Variants in SOAT1 observed in about 807,000 individuals in gnomAD.
SOAT1 encodes sterol O-acyltransferase 1.
Under a neutral mutation model 69.5 loss-of-function variants are expected in SOAT1, and 55 were observed. That is an observed-to-expected ratio of 0.79 (90% CI 0.64 to 0.99). The LOEUF (loss-of-function observed/expected upper bound fraction) is 0.99. SOAT1 is among the 50% of genes least tolerant of loss of function. The pLI, the probability that SOAT1 is intolerant of heterozygous loss-of-function variation, is 0.00. For missense variants in SOAT1, 580 were observed against 669.3 expected (o/e 0.87, Z 1.47); for synonymous variants, 231 against 224.7 (o/e 1.03, Z -0.25).
chr1:179,356,467 T>C lies in SOAT1; in HGVS notation c.*2826T>C, dbSNP rs868786209. The C allele has an allele frequency of 1.1e-5, 1 of 95,124 alleles. No homozygotes were observed. The highest frequency in any genetic ancestry group is 3.9e-5 in the African/African-American group (1 of 25,952). 5.9% of individuals were successfully genotyped at this position (95,124 alleles called of 1,614,324 possible). Reference sequence around the variant, plus strand: ...TTTAATTAGAAAACTGAGGCTGCCTTTTTTTTTTTTTTTTTTTTTTTTTAA... The same window carrying C: ...TTTAATTAGAAAACTGAGGCTGCCTCTTTTTTTTTTTTTTTTTTTTTTTAA... On this transcript the variant is annotated 3_prime_UTR_variant, in exon 16 of 16. Transcript: ENST00000367619.
chr1:179,340,420 T>A (rs1250852133), intron 6 of SOAT1, among the ~76,000 whole-genome samples: 1 of 152,140 alleles, frequency 6.6e-6, no homozygotes, highest in Non-Finnish European at 1.5e-5. Flanking sequence ...AGGTTGAGGC[T>A]GCAGTGGAGC....
At chr1:179,301,475 A>G (rs111405133) in intron 1 of SOAT1, among the ~76,000 whole-genome samples, 1 of 152,144 alleles carries the variant, frequency 6.6e-6, no homozygotes, top group African/African-American at 2.4e-5. Flanking sequence ...TGCCAGTTCC[A>G]ATCGGGCTCT....
intron 4 of SOAT1, among the ~76,000 whole-genome samples, 160 bp downstream of exon 4, chr1:179,335,817 G>A (rs1481323095): frequency 1.3e-5 from 2 of 152,086 alleles, no homozygotes; most frequent in Non-Finnish European, 2.9e-5. Context: ...AAGGAGGATG[G>A]GGATTTCTTT....
At chr1:179,328,532 T>G (rs1665863004) in intron 3 of SOAT1, among the ~76,000 whole-genome samples, 1 of 152,174 alleles carries the variant, frequency 6.6e-6, no homozygotes. Flanking sequence ...GACAAGGTCA[T>G]ATAGTACAGC....
Position 179,342,874 on chromosome 1 carries a change from T to C in SOAT1, c.872T>C (p.Ile291Thr), listed in dbSNP as rs143910632. ...SAKEKSSTVP[I>T]PTVNQYLYFL... ...TTTCCTTTTCTAGGCACTGTTCCAA[T>C]ACCTACAGTCAACCAGTATTTGTAC... The change falls in exon 9 of 16, where the codon ATA becomes ACA. Residue 291 changes from isoleucine to threonine, a missense_variant. Physicochemically the swap from Ile to Thr is moderately conservative, Grantham distance 89. Transcript: ENST00000367619. 35,425 of 1,612,726 alleles carry C rather than the reference T, an allele frequency of 0.022. 433 individuals carry two copies. Among genetic ancestry groups the C allele is most frequent in the Non-Finnish European group, 0.025 (29,439 of 1,178,808 alleles).
At position 179,304,414 on chromosome 1, in the gene SOAT1, A is replaced by G. The variant is rs140488895; in HGVS notation, c.118+1612A>G. On this transcript the variant is annotated intron_variant, in intron 2 of 15. Coordinates refer to ENST00000367619, the MANE Select transcript of SOAT1 (RefSeq NM_003101.6). ...TGCTTCAGCCTCCCAAGTAGCTAGG[A>G]TTACAAGCATGCGTCACCACGTGCA... Among the ~76,000 whole-genome samples the G allele has an allele frequency of 1.9e-3, 285 of 151,826 alleles. 4 individuals carry two copies. Among genetic ancestry groups the G allele is most frequent in the African/African-American group, 6.4e-3 (264 of 41,384 alleles).
At chr1:179,308,892 C>G (rs1407696895) in intron 2 of SOAT1, among the ~76,000 whole-genome samples, 3 of 151,960 alleles carry the variant, frequency 2.0e-5, no homozygotes, top group Admixed American at 1.3e-4. Context: ...TCTCAGATAT[C>G]TTTTCATTTA....
Position 179,338,469 on chromosome 1 carries a change from A to G in SOAT1, c.389+573A>G, listed in dbSNP as rs982370940. On this transcript the variant is annotated intron_variant, in intron 5 of 15. Transcript: ENST00000367619. ...TTAAAAAGACATCTTATGCTTATCA[A>G]AAGTTACTTTCTGTGAGTCAAGTTG... Among the ~76,000 whole-genome samples the G allele has an allele frequency of 5.3e-5, 8 of 152,254 alleles. No homozygotes were observed. The South Asian group carries it at 8.3e-4, about 16-fold the overall frequency.
intron 1 of SOAT1, among the ~76,000 whole-genome samples, chr1:179,299,772 G>A (rs1289219337): frequency 6.1e-5 from 1 of 16,312 alleles, no homozygotes; most frequent in Non-Finnish European, 1.3e-4. Flanking sequence ...TTTTTTTTTT[G>A]AGACGGAGTC....
In SOAT1 at chr1:179,355,044, A is replaced by G. The variant is rs894649628; in HGVS notation, c.*1403A>G. On this transcript the variant is annotated 3_prime_UTR_variant, in exon 16 of 16. Transcript: ENST00000367619. ...TAATAGTCACAACTTAATTTGAACC[A>G]CAAGTATCCAGCTTAATCACGTATC... The G allele has an allele frequency of 2.6e-5, 4 of 152,234 alleles. No individual in the cohort carries two copies. Among genetic ancestry groups the G allele is most frequent in the Admixed American group, 6.5e-5 (1 of 15,278 alleles). The allele number at this position is 152,234 out of a possible 1,614,324, so 9.4% of individuals were successfully genotyped here.
intron 15 of SOAT1, among the ~76,000 whole-genome samples, chr1:179,351,983 G>T (rs1011321648): frequency 1.3e-5 from 2 of 151,810 alleles, no homozygotes; most frequent in Non-Finnish European, 1.5e-5. Flanking sequence ...CTCCCAGAGT[G>T]CTGGAGCCAC....
intron 2 of SOAT1, among the ~76,000 whole-genome samples, chr1:179,317,282 C>G (rs1395066807): frequency 6.6e-6 from 1 of 152,156 alleles, no homozygotes; most frequent in Admixed American, 6.6e-5. Flanking sequence ...GCCTATAATC[C>G]TAGCACTTTG....
intron 2 of SOAT1, among the ~76,000 whole-genome samples, chr1:179,306,106 T>C (rs1664994441): frequency 6.6e-6 from 1 of 152,194 alleles, no homozygotes; most frequent in Non-Finnish European, 1.5e-5. Flanking sequence ...TGTGGTGTTT[T>C]GTTTGCTTTT....
chr1:179,305,233 A>G (rs1664963250), intron 2 of SOAT1, among the ~76,000 whole-genome samples: 1 of 151,894 alleles, frequency 6.6e-6, no homozygotes, highest in South Asian at 2.1e-4. Context: ...ACTTAGCATA[A>G]TGTTTTCCAT....
At chr1:179,321,103 T>A (rs980402737) in intron 2 of SOAT1, among the ~76,000 whole-genome samples, 1 of 151,984 alleles carries the variant, frequency 6.6e-6, no homozygotes, top group Non-Finnish European at 1.5e-5. Flanking sequence ...GGTGGGGTTT[T>A]GCCATGTTGA....
chr1:179,310,297 T>C (rs1004403936), intron 2 of SOAT1, among the ~76,000 whole-genome samples: 4 of 151,786 alleles, frequency 2.6e-5, no homozygotes, highest in Admixed American at 6.6e-5. Flanking sequence ...TGGTGTTTTA[T>C]ATTGAAATAT....
chr1:179,347,555 T>G (rs1162903358), intron 11 of SOAT1, 45 bp from the exon 12 acceptor site: 166 of 1,092,934 alleles, frequency 1.5e-4, no homozygotes, highest in Non-Finnish European at 2.0e-4. Flanking sequence ...GCTTGGTATG[T>G]GAGCTATTTG....
chr1:179,298,981 A>C (rs555284445), intron 1 of SOAT1, among the ~76,000 whole-genome samples: 1 of 152,302 alleles, frequency 6.6e-6, no homozygotes, highest in East Asian at 1.9e-4. Flanking sequence ...TACTCCAGGT[A>C]CTCCACACTA....
chr1:179,316,049 C>T (rs538795911), intron 2 of SOAT1, among the ~76,000 whole-genome samples: 2 of 152,288 alleles, frequency 1.3e-5, no homozygotes, highest in South Asian at 4.1e-4. Flanking sequence ...CTCTGCTCTC[C>T]ATTCTCCTTG....
Sources: gnomAD v4.1 joint callset for allele counts (sites outside exome capture counted in the v4.1 genomes callset) on GRCh38, gnomAD v4.1.1 for gene constraint, MANE v1.5 for transcripts, NCBI Gene and HGNC (gene_info 2026-07-23, HGNC 2026-07-21) for gene names.